Variants in VPS26A observed in about 807,000 individuals in gnomAD.
VPS26A encodes VPS26 retromer complex component A.
Under a neutral mutation model 42.4 loss-of-function variants are expected in VPS26A, and 22 were observed. That is an observed-to-expected ratio of 0.52 (90% CI 0.37 to 0.74). The LOEUF (loss-of-function observed/expected upper bound fraction) is 0.74, where lower values mean the gene tolerates loss of function less well. VPS26A is among the 30% of genes least tolerant of loss of function. The probability of loss-of-function intolerance (pLI) is 0.00; values close to 1 mark genes in which losing one functional copy is unlikely to be tolerated. For synonymous variants in VPS26A, 110 were observed against 123.5 expected (o/e 0.89, Z 0.73); for missense variants, 276 against 379.2 (o/e 0.73, Z 2.26).
intron 1 of VPS26A, among the ~76,000 whole-genome samples, chr10:69,131,664 C>T (rs1304265404): frequency 1.3e-5 from 2 of 152,028 alleles, no homozygotes; most frequent in East Asian, 1.9e-4. Context: ...ACCCGGGAGG[C>T]GGAGCTTGTA....
chr10:69,149,485 CTA>C (rs1841242441), intron 2 of VPS26A, among the ~76,000 whole-genome samples: 1 of 152,090 alleles, frequency 6.6e-6, no homozygotes, highest in African/African-American at 2.4e-5. Flanking sequence ...GAGGAAAAGA[CTA>C]TAAAGTACAT....
chr10:69,168,244 C>T (rs1841736514), intron 7 of VPS26A, among the ~76,000 whole-genome samples: 1 of 152,152 alleles, frequency 6.6e-6, no homozygotes, highest in South Asian at 2.1e-4. Context: ...GAGAGTACTA[C>T]TGGTATCTAG....
chr10:69,124,347 A>G (rs938403522), intron 1 of VPS26A, 67 bp downstream of exon 1: 8 of 1,223,970 alleles, frequency 6.5e-6, no homozygotes, highest in African/African-American at 4.8e-5. Flanking sequence ...GGGCCGGCCA[A>G]CCGCGGGCCG....
Position 69,172,238 on chromosome 10 carries a change from A to G in VPS26A, c.*969A>G, listed in dbSNP as rs1173856022. The G allele has an allele frequency of 6.6e-6, 1 of 152,184 alleles. No homozygotes were observed. Among genetic ancestry groups the G allele is most frequent in the Non-Finnish European group, 1.5e-5 (1 of 68,034 alleles). 9.4% of individuals were successfully genotyped at this position (152,184 alleles called of 1,614,324 possible). A position where few individuals can be genotyped will look rare whatever the true frequency, so the allele number is the denominator to read the frequency against. ...TAGTTATCTAGATCTGGGTAATTTCATGTTTATTAAACTCGAACTTTGGCT... is the reference window on the plus strand; with the variant it reads ...TAGTTATCTAGATCTGGGTAATTTCGTGTTTATTAAACTCGAACTTTGGCT... On this transcript the variant is annotated 3_prime_UTR_variant, in exon 9 of 9. Coordinates refer to ENST00000263559, the MANE Select transcript of VPS26A (RefSeq NM_004896.5).
chr10:69,129,122 A>G (rs372379277), intron 1 of VPS26A, among the ~76,000 whole-genome samples: 2 of 152,128 alleles, frequency 1.3e-5, no homozygotes, highest in African/African-American at 4.8e-5. Context: ...CTCTCTGCCA[A>G]TTAGCATTAT....
intron 2 of VPS26A, among the ~76,000 whole-genome samples, chr10:69,145,300 G>T (rs900884098): frequency 6.6e-6 from 1 of 152,162 alleles, no homozygotes; most frequent in Non-Finnish European, 1.5e-5. Context: ...TTCCCAAAGT[G>T]CAGGGATTAC....
chr10:69,160,769 G>A (rs1841543468), intron 5 of VPS26A, among the ~76,000 whole-genome samples: 1 of 152,136 alleles, frequency 6.6e-6, no homozygotes, highest in African/African-American at 2.4e-5. Context: ...ACCAACTCTT[G>A]AGATACAATT....
In VPS26A at chr10:69,146,289, G is replaced by A. The variant is rs1464725680; in HGVS notation, c.154-9523G>A. 3.3e-5 allele frequency among the ~76,000 whole-genome samples: 5 copies of A among 152,094 alleles called. No individual in the cohort carries two copies. In the East Asian group the frequency reaches 9.6e-4, roughly 29 times the overall value. On this transcript the variant is annotated intron_variant, in intron 2 of 8. Transcript: ENST00000263559. ...TTTAGTACAGACGGGGTTTCACCAT[G>A]TTGGCCAGGCTGGTCTCAAACTTCT...
rs1009693505 is a variant in VPS26A at position 69,171,361 on chromosome 10, G to A, written c.*92G>A. ...AAAGATGGTTGCAGCTGGAGGGGGCGGAAAAAGGCCAAAACTCCATATATG... is the reference window on the plus strand; with the variant it reads ...AAAGATGGTTGCAGCTGGAGGGGGCAGAAAAAGGCCAAAACTCCATATATG... On this transcript the variant is annotated 3_prime_UTR_variant, in exon 9 of 9. Coordinates refer to ENST00000263559, the MANE Select transcript of VPS26A (RefSeq NM_004896.5). 1.5e-5 allele frequency: 16 copies of A among 1,064,632 alleles called. No individual in the cohort carries two copies. The highest frequency in any genetic ancestry group is 7.3e-5 in the East Asian group (3 of 40,936). The allele number at this position is 1,064,632 out of a possible 1,614,324, so 65.9% of individuals were successfully genotyped here.
chr10:69,137,461 C>T (rs1396525741), intron 2 of VPS26A, among the ~76,000 whole-genome samples: 1 of 152,122 alleles, frequency 6.6e-6, no homozygotes, highest in Non-Finnish European at 1.5e-5. Context: ...ATGACTGATA[C>T]CCTTGTTTCT....
intron 2 of VPS26A, among the ~76,000 whole-genome samples, chr10:69,152,745 G>T (rs1212902313): frequency 6.6e-6 from 1 of 152,060 alleles, no homozygotes; most frequent in Non-Finnish European, 1.5e-5. Context: ...CGAGGCGGGT[G>T]GATCACGAGG....
At chr10:69,128,094 A>G (rs1840701417) in intron 1 of VPS26A, among the ~76,000 whole-genome samples, 1 of 152,098 alleles carries the variant, frequency 6.6e-6, no homozygotes, top group South Asian at 2.1e-4. Context: ...GAATTTAAAT[A>G]TTTAAGGAAT....
chr10:69,153,376 C>G (rs1472718133), intron 2 of VPS26A, among the ~76,000 whole-genome samples: 1 of 151,552 alleles, frequency 6.6e-6, no homozygotes, highest in South Asian at 2.1e-4. Context: ...CAAGGTCTTG[C>G]CCTGTTGTCC....
chr10:69,145,541 A>T (rs111560089), intron 2 of VPS26A, among the ~76,000 whole-genome samples: 348 of 152,242 alleles, frequency 2.3e-3, no homozygotes, highest in African/African-American at 7.8e-3. Flanking sequence ...GGTGTGACAC[A>T]GGAGTCAAAT....
At chr10:69,149,551 A>G (rs1841244175) in intron 2 of VPS26A, among the ~76,000 whole-genome samples, 1 of 152,028 alleles carries the variant, frequency 6.6e-6, no homozygotes, top group Non-Finnish European at 1.5e-5. Context: ...GTCGCCCAGC[A>G]TGGAGTGCAG....
At chr10:69,129,551 A>AT (rs1481660457) in intron 1 of VPS26A, among the ~76,000 whole-genome samples, 2 of 150,914 alleles carry the variant, frequency 1.3e-5, no homozygotes, top group African/African-American at 4.9e-5. Context: ...AAGAAAAAAA[A>AT]ATTTTTTTTT....
intron 6 of VPS26A, among the ~76,000 whole-genome samples, chr10:69,162,959 A>G (rs1343829640): frequency 6.6e-6 from 1 of 150,932 alleles, no homozygotes; most frequent in Non-Finnish European, 1.5e-5. Flanking sequence ...CAAAAACCAA[A>G]ACTTTCCAAT....
chr10:69,153,417 C>T (rs1475767491), intron 2 of VPS26A, among the ~76,000 whole-genome samples: 1 of 151,930 alleles, frequency 6.6e-6, no homozygotes, highest in Non-Finnish European at 1.5e-5. Flanking sequence ...AATCTTAGCT[C>T]ATTGCACCTT....
intron 2 of VPS26A, among the ~76,000 whole-genome samples, chr10:69,154,362 C>T (rs1361209183): frequency 6.6e-6 from 1 of 151,836 alleles, no homozygotes; most frequent in African/African-American, 2.4e-5. Context: ...CATAATGAAA[C>T]CCCATCTCCA....
Sources: gnomAD v4.1 joint callset for allele counts (sites outside exome capture counted in the v4.1 genomes callset) on GRCh38, gnomAD v4.1.1 for gene constraint, MANE v1.5 for transcripts, NCBI Gene and HGNC (gene_info 2026-07-23, HGNC 2026-07-21) for gene names.